Variants in ZFHX3 observed in about 807,000 individuals in gnomAD.
ZFHX3 encodes the protein zinc finger homeobox protein 3.
A neutral mutation model predicts 279.1 loss-of-function variants in ZFHX3; 42 were observed. The observed-to-expected ratio is 0.15, with a 90% CI of 0.12 to 0.19. The LOEUF (loss-of-function observed/expected upper bound fraction) is 0.19, where lower values mean the gene tolerates loss of function less well. Ranked by LOEUF, ZFHX3 falls within the 10% of genes least tolerant of loss-of-function variation. ZFHX3 has a pLI of 1.00. For synonymous variants in ZFHX3, 2,293 were observed against 1,957.8 expected (o/e 1.17, Z -4.52); for missense variants, 4,981 against 4,754.0 (o/e 1.05, Z -1.40).
intron 5 of ZFHX3, among the ~76,000 whole-genome samples, chr16:73,217,193 T>A (rs780717028): frequency 3.3e-5 from 5 of 152,228 alleles, no homozygotes; most frequent in Non-Finnish European, 4.4e-5. Flanking sequence ...ATGTTATCGA[T>A]CCTCAAGGCT....
At chr16:73,269,461 C>G (rs1220501772) in intron 4 of ZFHX3, among the ~76,000 whole-genome samples, 5 of 150,870 alleles carry the variant, frequency 3.3e-5, no homozygotes, top group African/African-American at 5.0e-5. Flanking sequence ...TAGTATGATG[C>G]CTTTGAGATC....
At chr16:73,647,081 CG>C (rs1317202255) in intron 2 of ZFHX3, among the ~76,000 whole-genome samples, 1 of 146,182 alleles carries the variant, frequency 6.8e-6, no homozygotes, top group Admixed American at 7.1e-5. Context: ...GGCGCGATCT[CG>C]GCGCACTGCA....
In ZFHX3 at chr16:73,888,408, A is replaced by G. The variant is rs138046576; in HGVS notation, c.-1608+3243T>C. 6.6e-3 allele frequency among the ~76,000 whole-genome samples: 1,005 copies of G among 152,358 alleles called. 11 individuals are homozygous for G. Among genetic ancestry groups the G allele is most frequent in the African/African-American group, 0.022 (935 of 41,586 alleles). ...TCTCTCGAAGCCCAAGATGAGAGAC[A>G]AAGATGATTTGTAAAGATTAAAAAA... On this transcript the variant is annotated intron_variant, in intron 1 of 17. Coordinates refer to the ZFHX3 transcript ENST00000641206.
chr16:73,317,186 T>G (rs952344901), intron 4 of ZFHX3, among the ~76,000 whole-genome samples: 3 of 151,052 alleles, frequency 2.0e-5, no homozygotes, highest in African/African-American at 7.3e-5. Context: ...GATGGGCAGG[T>G]CTGGTTGTAT....
intron 4 of ZFHX3, among the ~76,000 whole-genome samples, chr16:73,297,981 T>C (rs1397119523): frequency 6.6e-6 from 1 of 151,616 alleles, no homozygotes; most frequent in Non-Finnish European, 1.5e-5. Flanking sequence ...ATCCAGGAAT[T>C]TGAGACCAGC....
At chr16:73,733,254 A>G (rs969187307) in intron 1 of ZFHX3, among the ~76,000 whole-genome samples, 2 of 152,214 alleles carry the variant, frequency 1.3e-5, no homozygotes, top group African/African-American at 4.8e-5. Flanking sequence ...AATCTGCTGA[A>G]GAAGTATTAT....
At chr16:73,696,255 T>C (rs1597070851) in intron 1 of ZFHX3, among the ~76,000 whole-genome samples, 1 of 152,194 alleles carries the variant, frequency 6.6e-6, no homozygotes, top group Non-Finnish European at 1.5e-5. Flanking sequence ...GGCAGAGAGT[T>C]AGTAATGAGC....
chr16:72,917,199 C>T (rs955129113), intron 3 of ZFHX3, among the ~76,000 whole-genome samples: 1 of 152,170 alleles, frequency 6.6e-6, no homozygotes, highest in Admixed American at 6.5e-5. Context: ...CATGATCACA[C>T]CACTGCACTC....
intron 1 of ZFHX3, among the ~76,000 whole-genome samples, chr16:73,698,061 A>G (rs1397724932): frequency 6.6e-6 from 1 of 152,224 alleles, no homozygotes; most frequent in African/African-American, 2.4e-5. Flanking sequence ...ATCAAAAAAA[A>G]ACATAGGAAA....
chr16:72,843,950 C>T (rs2037413468), intron 4 of ZFHX3, among the ~76,000 whole-genome samples: 1 of 152,166 alleles, frequency 6.6e-6, no homozygotes, highest in African/African-American at 2.4e-5. Context: ...CATGAAGCCC[C>T]AAATAAAAGC....
At chr16:73,419,238 C>T (rs963028516) in intron 3 of ZFHX3, among the ~76,000 whole-genome samples, 13 of 152,130 alleles carry the variant, frequency 8.5e-5, no homozygotes, top group Admixed American at 8.5e-4. Context: ...ATGCTAAGTG[C>T]GCCATAGACA....
At chr16:73,402,883 G>C (rs184733643) in intron 3 of ZFHX3, among the ~76,000 whole-genome samples, 1 of 149,352 alleles carries the variant, frequency 6.7e-6, no homozygotes, top group South Asian at 2.2e-4. Flanking sequence ...GGTGGCTGTC[G>C]TACATATGGA....
chr16:72,871,767 A>C (rs939233682), intron 4 of ZFHX3, among the ~76,000 whole-genome samples: 10 of 151,186 alleles, frequency 6.6e-5, no homozygotes, highest in South Asian at 2.1e-4. Context: ...GTGAACCACC[A>C]AGCCTGGCCA....
chr16:73,683,122 A>G (rs1388507876), intron 1 of ZFHX3, among the ~76,000 whole-genome samples: 1 of 152,222 alleles, frequency 6.6e-6, no homozygotes, highest in Non-Finnish European at 1.5e-5. Flanking sequence ...GCCTTTTATT[A>G]TACTTTTGTC....
At chr16:73,565,238 A>G (rs1327677637) in intron 2 of ZFHX3, among the ~76,000 whole-genome samples, 1 of 151,728 alleles carries the variant, frequency 6.6e-6, no homozygotes, top group African/African-American at 2.4e-5. Context: ...TGAGCAACAG[A>G]GCCAGACCCC....
intron 3 of ZFHX3, among the ~76,000 whole-genome samples, chr16:73,416,257 T>C (rs944038191): frequency 2.0e-5 from 3 of 152,130 alleles, no homozygotes; most frequent in Non-Finnish European, 2.9e-5. Flanking sequence ...TTTTTATTCC[T>C]TTGCTTGTCT....
At chr16:73,131,802 T>C (rs186121892) in intron 6 of ZFHX3, among the ~76,000 whole-genome samples, 1 of 152,324 alleles carries the variant, frequency 6.6e-6, no homozygotes, top group African/African-American at 2.4e-5. Context: ...TTCTATGATC[T>C]CGGCAACTCA....
At chr16:73,213,908 T>C (rs1288252066) in intron 5 of ZFHX3, among the ~76,000 whole-genome samples, 1 of 152,228 alleles carries the variant, frequency 6.6e-6, no homozygotes, top group African/African-American at 2.4e-5. Context: ...CTTTGGTCTT[T>C]GTTCCCCGCT....
At chr16:73,583,246 T>A (rs2051880307) in intron 2 of ZFHX3, among the ~76,000 whole-genome samples, 2 of 152,210 alleles carry the variant, frequency 1.3e-5, no homozygotes, top group South Asian at 4.1e-4. Context: ...CTATTCCAGA[T>A]GAATATGCTC....
Sources: allele counts gnomAD v4.1 joint callset (sites outside exome capture counted in the v4.1 genomes callset), GRCh38; gene constraint gnomAD v4.1.1; transcripts MANE v1.5; gene names NCBI Gene and HGNC (gene_info 2026-07-23, HGNC 2026-07-21).